NAA35: variants seen among roughly 807,000 people sequenced by gnomAD.
NAA35 encodes MAK10 homolog, amino-acid N-acetyltransferase subunit.
NAA35 carries 18 observed loss-of-function variants against 101.7 expected under a neutral mutation model. The ratio of observed to expected loss-of-function variants is 0.18; its 90% CI spans 0.12 to 0.26. NAA35 has a LOEUF of 0.26. NAA35 is among the 10% of genes least tolerant of loss of function. The pLI, the probability that NAA35 is intolerant of heterozygous loss-of-function variation, is 1.00. For missense variants in NAA35, 601 were observed against 886.8 expected, an observed-to-expected ratio of 0.68 and a Z score of 4.09; for synonymous variants, 267 against 273.1, an observed-to-expected ratio of 0.98 and a Z score of 0.22.
At chr9:85,992,418 A>C (rs1391471233) in intron 11 of NAA35, among the ~76,000 whole-genome samples, 1 of 152,122 alleles carries the variant, frequency 6.6e-6, no homozygotes, top group Non-Finnish European at 1.5e-5. Flanking sequence ...CCAACCCCCA[A>C]ATACTTATTA....
At chr9:86,015,448 A>G (rs1387756235) in intron 17 of NAA35, among the ~76,000 whole-genome samples, 1 of 152,146 alleles carries the variant, frequency 6.6e-6, no homozygotes, top group Non-Finnish European at 1.5e-5. Context: ...TCTTTAAATC[A>G]TCAGCAAAAA....
At chr9:86,014,266 G>T in intron 17 of NAA35, 2 of 469,868 alleles carry the variant, frequency 4.3e-6, no homozygotes, top group Non-Finnish European at 5.6e-6. Flanking sequence ...CTGTCTTCTT[G>T]GAAGAAATCA....
At chr9:85,955,352 A>ATTTT (rs1170841479) in intron 2 of NAA35, among the ~76,000 whole-genome samples, 7 of 61,292 alleles carry the variant, frequency 1.1e-4, no homozygotes, top group South Asian at 4.5e-4. Context: ...ATATATATAT[A>ATTTT]TATATATATT....
intron 11 of NAA35, among the ~76,000 whole-genome samples, chr9:85,984,140 C>T (rs1383359556): frequency 7.9e-5 from 12 of 151,616 alleles, no homozygotes; most frequent in Admixed American, 7.9e-4. Flanking sequence ...CCAGCCTGTA[C>T]AACATAGCAA....
At chr9:85,974,713 C>T (rs1452030618) in intron 6 of NAA35, among the ~76,000 whole-genome samples, 5 of 152,050 alleles carry the variant, frequency 3.3e-5, no homozygotes, top group Admixed American at 6.6e-5. Context: ...GGCAAGTGAA[C>T]GTATTAAATT....
At chr9:85,989,766 T>C (rs893386969) in intron 11 of NAA35, among the ~76,000 whole-genome samples, 1 of 152,198 alleles carries the variant, frequency 6.6e-6, no homozygotes, top group Non-Finnish European at 1.5e-5. Context: ...TTGGTTTTAC[T>C]AAATATAATG....
Position 85,961,557 on chromosome 9 carries a change from G to A in NAA35, c.349-456G>A, listed in dbSNP as rs559756625. On this transcript the variant is annotated intron_variant, in intron 5 of 22. Coordinates refer to ENST00000361671, the MANE Select transcript of NAA35 (RefSeq NM_024635.4). Reference sequence around the variant, plus strand: ...TGTTTTAGAAAGATCTCTAGTTGGGGGTATTAAATTAGAGATGGGAGGCAG... The same window carrying A: ...TGTTTTAGAAAGATCTCTAGTTGGGAGTATTAAATTAGAGATGGGAGGCAG... Among the ~76,000 whole-genome samples, 6 of 152,222 alleles carry A rather than the reference G, an allele frequency of 3.9e-5. No homozygotes were observed. The South Asian group carries it at 1.2e-3, about 32-fold the overall frequency.
At chr9:86,010,234 T>G (rs1193711309) in intron 15 of NAA35, among the ~76,000 whole-genome samples, 5 of 151,918 alleles carry the variant, frequency 3.3e-5, no homozygotes, top group East Asian at 3.9e-4. Flanking sequence ...AGAGTGAGAC[T>G]TTGTCTCAAT....
At chr9:85,986,745 C>T (rs536602410) in intron 11 of NAA35, 31 of 272,642 alleles carry the variant, frequency 1.1e-4, no homozygotes, top group Admixed American at 2.1e-4. Context: ...TCACCATGCC[C>T]GGCTAACTTT....
intron 8 of NAA35, among the ~76,000 whole-genome samples, chr9:85,976,044 T>G (rs1050389974): frequency 1.3e-5 from 2 of 152,176 alleles, no homozygotes; most frequent in Non-Finnish European, 2.9e-5. Flanking sequence ...TTCAGTGAAT[T>G]GAGCAGTTAG....
At chr9:86,018,451 A>T in intron 20 of NAA35, 56 bp downstream of exon 20, 2 of 1,555,370 alleles carry the variant, frequency 1.3e-6, no homozygotes, top group Non-Finnish European at 1.7e-6. Flanking sequence ...CTTCTTAGAG[A>T]GATGCTGTTT....
At position 86,003,634 on chromosome 9, in the gene NAA35, C is replaced by G; in HGVS notation, c.1106C>G (p.Ser369Cys). The part of the protein sequence containing the change: ...SEQSPCVLSR[S>C]LLQTTFLVDN... Reference sequence around the variant, plus strand: ...CAGTCACCATGTGTTCTTTCAAGATCTCTGTTACAAGTAAGTTCCACTTAG... The same window carrying G: ...CAGTCACCATGTGTTCTTTCAAGATGTCTGTTACAAGTAAGTTCCACTTAG... The change falls in exon 13 of 23, where the codon TCT (serine) becomes TGT (cysteine). Residue 369 changes from serine (S) to cysteine (C), a missense_variant. Ser to Cys is a moderately radical substitution (Grantham distance 112). This residue lies in a region of NAA35 where 190 missense variants were observed against 223.1 expected (regional missense o/e 0.85). Coordinates refer to ENST00000361671, the MANE Select transcript of NAA35 (RefSeq NM_024635.4). The G allele has an allele frequency of 5.0e-6, 8 of 1,589,026 alleles. No homozygotes were observed. Among genetic ancestry groups the G allele is most frequent in the Non-Finnish European group, 6.9e-6 (8 of 1,163,468 alleles).
chr9:85,956,994 CAG>C (rs955360094), intron 3 of NAA35, among the ~76,000 whole-genome samples: 2 of 152,066 alleles, frequency 1.3e-5, no homozygotes, highest in African/African-American at 2.4e-5. Context: ...CCGAGGAAGT[CAG>C]AGTCTTTAAA....
At chr9:85,949,723 A>G (rs1828928703) in intron 2 of NAA35, among the ~76,000 whole-genome samples, 1 of 151,636 alleles carries the variant, frequency 6.6e-6, no homozygotes, top group South Asian at 2.1e-4. Flanking sequence ...AATTTTCCTC[A>G]TATCAGATTT....
chr9:85,951,501 G>A (rs1829017330), intron 2 of NAA35, among the ~76,000 whole-genome samples: 1 of 152,164 alleles, frequency 6.6e-6, no homozygotes, highest in Non-Finnish European at 1.5e-5. Flanking sequence ...CTGAAACCCT[G>A]GTAATGGACT....
chr9:86,014,328 A>G, intron 17 of NAA35: 41 of 814,496 alleles, frequency 5.0e-5, no homozygotes, highest in Non-Finnish European at 5.8e-5. Context: ...GGTGCTGAGG[A>G]TTCACTTCAG....
intron 8 of NAA35, 83 bp from the exon 9 acceptor site, chr9:85,976,602 A>T (rs1830223962): frequency 3.8e-6 from 4 of 1,066,156 alleles, no homozygotes; most frequent in Non-Finnish European, 2.7e-6. Context: ...GTGTATACTT[A>T]AAAAATCAGT....
At position 85,996,483 on chromosome 9, in the gene NAA35, A is replaced by C; in HGVS notation, c.962A>C (p.Lys321Thr). 6.2e-7 allele frequency: 1 copy of C among 1,608,262 alleles called. No individual in the cohort carries two copies. The highest frequency in any genetic ancestry group is 1.1e-5 in the South Asian group (1 of 89,680). Residue 321 changes from lysine (K) to threonine (T), a missense_variant, in exon 12 of 23, where the codon AAA becomes ACA. Physicochemically the swap from Lys to Thr is moderately conservative, Grantham distance 78. This residue lies in a region of NAA35 where 190 missense variants were observed against 223.1 expected (regional missense o/e 0.85). Coordinates refer to ENST00000361671, the MANE Select transcript of NAA35 (RefSeq NM_024635.4). ...TTCCCTCGATATGCAAAAATAATTA[A>C]AAGGGAAGAAATGGTGAACTATTTT... ...PTFPRYAKII[K>T]REEMVNYFAR...
rs755287169 is a variant in NAA35, at chr9:86,007,417, G to A, written c.1176G>A (p.Val392=). The part of the protein sequence containing the change: ...VFGTHLMQDM[V]KDALRSFVSP... ...GAACTCATCTCATGCAAGACATGGT[G>A]AAAGATGCACTTCGGTCTTTTGTCA... Residue 392 remains valine, a synonymous_variant, in exon 14 of 23, where the codon GTG becomes GTA. Transcript: ENST00000361671. The A allele has an allele frequency of 6.2e-7, 1 of 1,613,816 alleles. No individual in the cohort carries two copies. Among genetic ancestry groups the A allele is most frequent in the Non-Finnish European group, 8.5e-7 (1 of 1,179,780 alleles).
Sources: gnomAD v4.1 joint callset for allele counts (sites outside exome capture counted in the v4.1 genomes callset) on GRCh38, gnomAD v4.1.1 for gene constraint, gnomAD v4.1.1 regional missense constraint, MANE v1.5 for transcripts, NCBI Gene and HGNC (gene_info 2026-07-23, HGNC 2026-07-21) for gene names.